Variants in GPC5 observed in about 807,000 individuals in gnomAD.
GPC5 encodes the protein glypican-5.
GPC5 carries 47 observed loss-of-function variants against 53.9 expected under a neutral mutation model. The ratio of observed to expected loss-of-function variants is 0.87; its 90% CI spans 0.69 to 1.11. The LOEUF (loss-of-function observed/expected upper bound fraction) is 1.11. Among genes scored for constraint, GPC5 ranks in the 50% most tolerant of loss-of-function variants. The pLI is 0.00. For synonymous variants in GPC5, 286 were observed against 263.3 expected, an observed-to-expected ratio of 1.09 and a Z score of -0.84; for missense variants, 748 against 713.1, an observed-to-expected ratio of 1.05 and a Z score of -0.56.
intron 1 of GPC5, among the ~76,000 whole-genome samples, chr13:91,408,663 AAT>A (rs1877502841): frequency 6.6e-6 from 1 of 152,180 alleles, no homozygotes; most frequent in African/African-American, 2.4e-5. Context: ...TATTAACTTA[AAT>A]ATGTTTCAAA....
intron 6 of GPC5, among the ~76,000 whole-genome samples, chr13:92,135,486 TC>T (rs2041776654): frequency 6.6e-6 from 1 of 152,130 alleles, no homozygotes; most frequent in African/African-American, 2.4e-5. Flanking sequence ...ACCTACCCAG[TC>T]AATTTTGGTA....
chr13:92,263,713 T>C (rs1403384860), intron 7 of GPC5, among the ~76,000 whole-genome samples: 1 of 152,164 alleles, frequency 6.6e-6, no homozygotes, highest in Non-Finnish European at 1.5e-5. Context: ...AGTGTTCAAT[T>C]TTTACCTTGT....
At chr13:92,622,819 C>A (rs1884918408) in intron 7 of GPC5, among the ~76,000 whole-genome samples, 1 of 152,126 alleles carries the variant, frequency 6.6e-6, no homozygotes, top group Admixed American at 6.5e-5. Context: ...ATACTCTTAT[C>A]TAACCTGAAA....
At chr13:91,944,617 C>T (rs2039958436) in intron 6 of GPC5, among the ~76,000 whole-genome samples, 2 of 152,190 alleles carry the variant, frequency 1.3e-5, no homozygotes, top group East Asian at 1.9e-4. Flanking sequence ...TGTCTATTTA[C>T]ATTTTCTATA....
At chr13:91,469,202 G>T (rs1009125935) in intron 2 of GPC5, among the ~76,000 whole-genome samples, 5 of 151,578 alleles carry the variant, frequency 3.3e-5, no homozygotes, top group Non-Finnish European at 5.9e-5. Context: ...TCTGCCTCCC[G>T]CATTCAAGTG....
chr13:91,410,491 A>C (rs143083442), intron 1 of GPC5, among the ~76,000 whole-genome samples: 1 of 148,164 alleles, frequency 6.7e-6, no homozygotes, highest in Non-Finnish European at 1.5e-5. Flanking sequence ...GACCACAGGC[A>C]CCCGCCACCA....
chr13:91,485,525 CT>C (rs563695550), intron 2 of GPC5, among the ~76,000 whole-genome samples: 3 of 151,928 alleles, frequency 2.0e-5, no homozygotes, highest in Admixed American at 6.6e-5. Context: ...GCCGGCCCTT[CT>C]TTTTTTTATA....
At chr13:91,854,526 C>T (rs962645582) in intron 5 of GPC5, among the ~76,000 whole-genome samples, 72 of 151,754 alleles carry the variant, frequency 4.7e-4, no homozygotes, top group African/African-American at 1.4e-3. Flanking sequence ...AACATTCCCA[C>T]TTCCTCCCCT....
In GPC5 at chr13:92,715,804, C is replaced by T. The variant is rs181929148; in HGVS notation, c.1562-150478C>T. ...TGACAATTATGGAAAATTTATCCCA[C>T]GGTGATGGACAAGGGCTCATACAAC... On this transcript the variant is annotated intron_variant, in intron 7 of 7. Coordinates refer to ENST00000377067, the MANE Select transcript of GPC5 (RefSeq NM_004466.6). Among the ~76,000 whole-genome samples, 105 of 152,268 alleles carry T rather than the reference C, an allele frequency of 6.9e-4. 1 individual carries two copies. Among genetic ancestry groups the T allele is most frequent in the Admixed American group, 3.3e-3 (50 of 15,288 alleles).
chr13:92,338,822 A>G (rs1018185002), intron 7 of GPC5, among the ~76,000 whole-genome samples: 15 of 152,110 alleles, frequency 9.9e-5, no homozygotes, highest in African/African-American at 3.6e-4. Context: ...GATACATGTT[A>G]TTATACATTT....
intron 2 of GPC5, among the ~76,000 whole-genome samples, chr13:91,513,511 T>G (rs1399536450): frequency 6.6e-6 from 1 of 151,966 alleles, no homozygotes; most frequent in Non-Finnish European, 1.5e-5. Flanking sequence ...GAGGCTGAGA[T>G]GGGTGGATCA....
chr13:92,746,949 G>A (rs1021534157), intron 7 of GPC5, among the ~76,000 whole-genome samples: 1 of 152,018 alleles, frequency 6.6e-6, no homozygotes, highest in South Asian at 2.1e-4. Flanking sequence ...TAAGTATATG[G>A]TATAGCTTAT....
At chr13:91,447,775 T>G (rs1880906774) in intron 1 of GPC5, among the ~76,000 whole-genome samples, 1 of 152,158 alleles carries the variant, frequency 6.6e-6, no homozygotes, top group African/African-American at 2.4e-5. Flanking sequence ...TCACAGAGAT[T>G]AAGGGCCACA....
intron 2 of GPC5, among the ~76,000 whole-genome samples, chr13:91,546,547 CA>C (rs2138790010): frequency 6.6e-6 from 1 of 151,988 alleles, no homozygotes; most frequent in East Asian, 1.9e-4. Context: ...TTCTCAATGT[CA>C]GTGTCTTTTT....
intron 2 of GPC5, among the ~76,000 whole-genome samples, chr13:91,522,078 A>G (rs1885848362): frequency 1.3e-5 from 2 of 152,276 alleles, no homozygotes; most frequent in Admixed American, 1.3e-4. Context: ...GAGTGCCACC[A>G]TCCAGGAACT....
chr13:92,374,853 TAAA>T (rs60231751), intron 7 of GPC5, among the ~76,000 whole-genome samples: 1,326 of 124,584 alleles, frequency 0.011, 17 homozygotes, highest in African/African-American at 0.034. Flanking sequence ...TAAAGTATAA[TAAA>T]AAAAAAAAAA....
chr13:91,860,668 A>T (rs959363836), intron 5 of GPC5, among the ~76,000 whole-genome samples: 1 of 151,522 alleles, frequency 6.6e-6, no homozygotes, highest in Admixed American at 6.6e-5. Context: ...TGTCCAGCCA[A>T]TTTTTATATT....
intron 5 of GPC5, among the ~76,000 whole-genome samples, chr13:91,764,552 T>G (rs1051978648): frequency 1.3e-5 from 2 of 152,216 alleles, no homozygotes; most frequent in Non-Finnish European, 2.9e-5. Flanking sequence ...CATTATGGGT[T>G]AGTTCCATAA....
At chr13:91,426,326 G>T (rs1227367108) in intron 1 of GPC5, among the ~76,000 whole-genome samples, 1 of 152,122 alleles carries the variant, frequency 6.6e-6, no homozygotes, top group African/African-American at 2.4e-5. Flanking sequence ...CTCTGCTGCT[G>T]TGTGCAGCAT....
Sources: gnomAD v4.1 joint callset for allele counts (sites outside exome capture counted in the v4.1 genomes callset) on GRCh38, gnomAD v4.1.1 for gene constraint, MANE v1.5 for transcripts, NCBI Gene and HGNC (gene_info 2026-07-23, HGNC 2026-07-21) for gene names.